The following MGAT5 variants were observed in gnomAD, a reference collection of about 807,000 sequenced individuals.
MGAT5 encodes the protein alpha-1,6-mannosylglycoprotein 6-beta-N-acetylglucosaminyltransferase A.
In MGAT5, 30 loss-of-function variants were observed where a neutral mutation model predicts 94.3. The ratio of observed to expected loss-of-function variants is 0.32; its 90% confidence interval spans 0.24 to 0.43. The LOEUF is 0.43. Among genes scored for constraint, MGAT5 ranks in the 20% least tolerant of loss-of-function variants. MGAT5 has a pLI of 1.00. For synonymous variants in MGAT5, 310 were observed against 322.9 expected (o/e 0.96, Z 0.43); for missense variants, 691 against 905.5 (o/e 0.76, Z 3.04).
chr2:134,136,325 G>T (rs1043066330), intron 1 of MGAT5, among the ~76,000 whole-genome samples: 5 of 152,194 alleles, frequency 3.3e-5, no homozygotes, highest in Non-Finnish European at 7.3e-5. Context: ...CCAGCACTTT[G>T]GGAGGCCGAG....
chr2:134,310,625 G>T (rs1470326111), intron 2 of MGAT5, among the ~76,000 whole-genome samples: 2 of 152,198 alleles, frequency 1.3e-5, no homozygotes, highest in Non-Finnish European at 2.9e-5. Context: ...CAATTGCTTT[G>T]TTGGGGAGGG....
intron 14 of MGAT5, among the ~76,000 whole-genome samples, chr2:134,435,833 G>A (rs1397762443): frequency 6.6e-6 from 1 of 152,250 alleles, no homozygotes; most frequent in Non-Finnish European, 1.5e-5. Context: ...AAGGCAAGTT[G>A]GCACTGCCTT....
chr2:134,444,215 C>T (rs1192404896), intron 15 of MGAT5, among the ~76,000 whole-genome samples: 2 of 152,182 alleles, frequency 1.3e-5, no homozygotes, highest in Non-Finnish European at 2.9e-5. Context: ...TGGAGTAGGC[C>T]CGAGGCCACT....
At position 134,437,898 on chromosome 2, in the gene MGAT5, C is replaced by T. The variant is rs139481831; in HGVS notation, c.1870-3860C>T. Among the ~76,000 whole-genome samples, 42 of 151,906 alleles carry T rather than the reference C, an allele frequency of 2.8e-4. 1 individual carries two copies. In the East Asian group the frequency reaches 6.2e-3, roughly 22 times the overall value. ...CGTGTGATGGCATGTACCTGTAACC[C>T]CAGGTACTCAGGAGACTGAGGCAGG... On this transcript the variant is annotated intron_variant, in intron 14 of 15. Coordinates refer to ENST00000281923, the MANE Select transcript of MGAT5 (RefSeq NM_002410.5).
chr2:134,134,419 C>T (rs2104926901), intron 1 of MGAT5, among the ~76,000 whole-genome samples: 1 of 152,314 alleles, frequency 6.6e-6, no homozygotes, highest in East Asian at 1.9e-4. Flanking sequence ...CCCACAAATC[C>T]TTGTTGCTCT....
chr2:134,145,270 G>T (rs1310839083), intron 1 of MGAT5, among the ~76,000 whole-genome samples: 2 of 150,220 alleles, frequency 1.3e-5, no homozygotes. Context: ...ATGCGGGCTG[G>T]GCGCGGTGGC....
At chr2:134,295,974 A>T (rs565025404) in intron 2 of MGAT5, among the ~76,000 whole-genome samples, 18 of 152,324 alleles carry the variant, frequency 1.2e-4, no homozygotes, top group African/African-American at 3.8e-4. Context: ...AATTAGAGGT[A>T]AAATTCTTTG....
At chr2:134,169,186 G>A (rs887776323) in intron 1 of MGAT5, among the ~76,000 whole-genome samples, 1 of 152,186 alleles carries the variant, frequency 6.6e-6, no homozygotes, top group Non-Finnish European at 1.5e-5. Context: ...TATTTTGTTT[G>A]TAGGGCATTT....
chr2:134,146,772 T>C (rs899214678), intron 1 of MGAT5, among the ~76,000 whole-genome samples: 2 of 152,192 alleles, frequency 1.3e-5, no homozygotes, highest in Non-Finnish European at 2.9e-5. Context: ...CCCTGGGGAC[T>C]GGCCACCGCT....
At chr2:134,374,967 A>G (rs1282194925) in intron 10 of MGAT5, among the ~76,000 whole-genome samples, 1 of 152,150 alleles carries the variant, frequency 6.6e-6, no homozygotes. Context: ...CACTGGATAA[A>G]TCGAGACTCT....
chr2:134,420,447 A>T (rs1027301966), intron 12 of MGAT5, among the ~76,000 whole-genome samples: 2 of 152,208 alleles, frequency 1.3e-5, no homozygotes, highest in African/African-American at 4.8e-5. Flanking sequence ...CTGCTGCTGG[A>T]TAGAGGCCCA....
chr2:134,330,658 T>C (rs1328371351), intron 4 of MGAT5, among the ~76,000 whole-genome samples: 1 of 151,796 alleles, frequency 6.6e-6, no homozygotes, highest in Non-Finnish European at 1.5e-5. Flanking sequence ...ATTATTCTCT[T>C]AATGTTCATT....
At chr2:134,382,891 A>G (rs1033609422) in intron 10 of MGAT5, among the ~76,000 whole-genome samples, 7 of 152,248 alleles carry the variant, frequency 4.6e-5, no homozygotes, top group African/African-American at 1.7e-4. Flanking sequence ...TATGCCACAT[A>G]TTTGTGTTGT....
intron 8 of MGAT5, among the ~76,000 whole-genome samples, chr2:134,345,549 T>C (rs1688873299): frequency 6.6e-6 from 1 of 152,206 alleles, no homozygotes; most frequent in African/African-American, 2.4e-5. Flanking sequence ...CTGTGGTACA[T>C]GTGTACTCTG....
chr2:134,371,798 G>A (rs1573943427), intron 10 of MGAT5, among the ~76,000 whole-genome samples: 1 of 152,172 alleles, frequency 6.6e-6, no homozygotes, highest in East Asian at 1.9e-4. Context: ...TGTAGGTCCA[G>A]GCAGGACTCT....
intron 13 of MGAT5, among the ~76,000 whole-genome samples, chr2:134,427,198 C>T (rs986017924): frequency 2.6e-5 from 4 of 152,184 alleles, no homozygotes; most frequent in African/African-American, 9.7e-5. Context: ...CCCTGTAGAT[C>T]CCAGCAAACA....
At chr2:134,169,106 G>T (rs1167804415) in intron 1 of MGAT5, among the ~76,000 whole-genome samples, 1 of 152,176 alleles carries the variant, frequency 6.6e-6, no homozygotes, top group African/African-American at 2.4e-5. Context: ...AAATACTTTG[G>T]GGGAGGGCAA....
chr2:134,257,305 T>C (rs1426390457), intron 1 of MGAT5, among the ~76,000 whole-genome samples: 2 of 152,170 alleles, frequency 1.3e-5, no homozygotes, highest in African/African-American at 4.8e-5. Context: ...TGATCTTGGC[T>C]CACTGCAACA....
intron 6 of MGAT5, among the ~76,000 whole-genome samples, chr2:134,340,649 C>G (rs1433526463): frequency 6.6e-6 from 1 of 152,056 alleles, no homozygotes; most frequent in Middle Eastern, 3.2e-3. Context: ...TTAGAGTTAC[C>G]TCAGGGTGAC....
Sources: allele counts gnomAD v4.1 joint callset (sites outside exome capture counted in the v4.1 genomes callset), GRCh38; gene constraint gnomAD v4.1.1; transcripts MANE v1.5; gene names NCBI Gene and HGNC (gene_info 2026-07-23, HGNC 2026-07-21).